MCTP2: variants seen among roughly 807,000 people sequenced by gnomAD.
The protein encoded by MCTP2 is multiple C2 and transmembrane domain containing 2, also known as multiple C2 and transmembrane domain-containing protein 2.
In MCTP2, 132 loss-of-function variants were observed where a neutral mutation model predicts 111.6. The ratio of observed to expected loss-of-function variants is 1.18; its 90% CI spans 1.03 to 1.37. MCTP2 has a LOEUF of 1.37. Ranked by LOEUF, MCTP2 falls within the 40% of genes most tolerant of loss-of-function variation. The pLI is 0.00. For missense variants in MCTP2, 1,183 were observed against 1,067.9 expected, an observed-to-expected ratio of 1.11 and a Z score of -1.50; for synonymous variants, 395 against 387.7, an observed-to-expected ratio of 1.02 and a Z score of -0.22.
intron 2 of MCTP2, among the ~76,000 whole-genome samples, chr15:94,303,311 G>A (rs2075731572): frequency 6.6e-6 from 1 of 151,770 alleles, no homozygotes; most frequent in African/African-American, 2.4e-5. Context: ...TTGAGGGCAG[G>A]AAGCATCCAG....
In MCTP2 at chr15:94,270,629, C is replaced by G. The variant is rs146786031; in HGVS notation, c.-65-27572C>G. 4.0e-4 allele frequency among the ~76,000 whole-genome samples: 61 copies of G among 152,230 alleles called. 1 individual carries two copies. The South Asian group carries it at 0.011, about 27-fold the overall frequency. ...ATCTCCCCAGGTGGGCTGCCTACCCCCTATCCCCCTCTCCTGGCCTTCTGC... is the reference window on the plus strand; with the variant it reads ...ATCTCCCCAGGTGGGCTGCCTACCCGCTATCCCCCTCTCCTGGCCTTCTGC... On this transcript the variant is annotated intron_variant, in intron 1 of 22. Coordinates refer to ENST00000357742, the MANE Select transcript of MCTP2 (RefSeq NM_001385001.1).
intron 19 of MCTP2, among the ~76,000 whole-genome samples, chr15:94,448,234 T>C (rs2084236891): frequency 6.6e-6 from 1 of 152,240 alleles, no homozygotes; most frequent in Non-Finnish European, 1.5e-5. Context: ...CAGTCTGGCC[T>C]TCTGGAACCT....
intron 1 of MCTP2, among the ~76,000 whole-genome samples, chr15:94,280,087 G>A (rs937579610): frequency 3.9e-5 from 6 of 152,072 alleles, no homozygotes; most frequent in Non-Finnish European, 7.4e-5. Flanking sequence ...ATTGATATCA[G>A]AATGATGCTA....
intron 4 of MCTP2, among the ~76,000 whole-genome samples, chr15:94,315,904 G>C (rs931795445): frequency 3.9e-5 from 6 of 152,110 alleles, no homozygotes; most frequent in Non-Finnish European, 8.8e-5. Context: ...ATAGCTTTAC[G>C]CCTGGCCTAT....
intron 2 of MCTP2, among the ~76,000 whole-genome samples, chr15:94,306,963 G>A (rs902481579): frequency 1.3e-5 from 2 of 152,124 alleles, no homozygotes; most frequent in Admixed American, 6.6e-5. Flanking sequence ...CTTCAATGAC[G>A]TCATTTTTAC....
chr15:94,383,801 G>C (rs1343057766), intron 12 of MCTP2, among the ~76,000 whole-genome samples: 1 of 152,164 alleles, frequency 6.6e-6, no homozygotes, highest in Non-Finnish European at 1.5e-5. Flanking sequence ...ACCGTATCAG[G>C]CGGTGTGTTT....
chr15:94,431,413 A>G (rs1275206023), intron 17 of MCTP2, among the ~76,000 whole-genome samples: 3 of 152,206 alleles, frequency 2.0e-5, no homozygotes, highest in Non-Finnish European at 4.4e-5. Context: ...ACCAAGTCTG[A>G]GCCAGTTAAT....
At position 94,294,941 on chromosome 15, in the gene MCTP2, C is replaced by CT. The variant is rs71133001; in HGVS notation, c.-65-3232dup. Among the ~76,000 whole-genome samples the CT allele has an allele frequency of 3.6e-3, 269 of 73,986 alleles. 14 individuals are homozygous for CT. The highest frequency in any genetic ancestry group is 4.7e-3 in the African/African-American group (83 of 17,506). 48.5% of individuals were successfully genotyped at this position (73,986 alleles called of 152,430 possible). Reference sequence around the variant, plus strand: ...TTCTCTTTATTTTTCTTTTCTTTTCCTTTTTTTTTTTTTTTTTTTTTTTTT... The same window carrying CT: ...TTCTCTTTATTTTTCTTTTCTTTTCCTTTTTTTTTTTTTTTTTTTTTTTTTT... On this transcript the variant is annotated intron_variant, in intron 1 of 22. Transcript: ENST00000357742.
intron 17 of MCTP2, among the ~76,000 whole-genome samples, chr15:94,431,674 T>A (rs1167360972): frequency 6.6e-6 from 1 of 152,000 alleles, no homozygotes; most frequent in Non-Finnish European, 1.5e-5. Flanking sequence ...CAAATTATAA[T>A]TTTTTTTAAA....
Position 94,327,056 on chromosome 15 carries a change from T to G in MCTP2, c.637+11419T>G, listed in dbSNP as rs937329570. Among the ~76,000 whole-genome samples, 3 of 152,224 alleles carry G rather than the reference T, an allele frequency of 2.0e-5. No individual in the cohort carries two copies. In the East Asian group the frequency reaches 5.8e-4, roughly 29 times the overall value. ...CCTGGGCATGTTCACATGCATTTTTTAAATTTGTCACTTGCCTTTAGATTG... is the reference window on the plus strand; with the variant it reads ...CCTGGGCATGTTCACATGCATTTTTGAAATTTGTCACTTGCCTTTAGATTG... On this transcript the variant is annotated intron_variant, in intron 4 of 22. Coordinates refer to ENST00000357742, the MANE Select transcript of MCTP2 (RefSeq NM_001385001.1).
intron 11 of MCTP2, among the ~76,000 whole-genome samples, chr15:94,368,655 A>G (rs1294887008): frequency 6.6e-6 from 1 of 152,234 alleles, no homozygotes; most frequent in Non-Finnish European, 1.5e-5. Context: ...TTGTCAATGC[A>G]GAGTGCGCAT....
At chr15:94,373,386 T>C (rs1302595864) in intron 12 of MCTP2, among the ~76,000 whole-genome samples, 1 of 152,232 alleles carries the variant, frequency 6.6e-6, no homozygotes, top group Non-Finnish European at 1.5e-5. Flanking sequence ...AAATAGTGTA[T>C]ACATTTTCAA....
intron 12 of MCTP2, among the ~76,000 whole-genome samples, chr15:94,383,533 G>A (rs1233562009): frequency 6.6e-6 from 1 of 152,192 alleles, no homozygotes; most frequent in Non-Finnish European, 1.5e-5. Flanking sequence ...ACAGTTCCAC[G>A]TGGCTGGGGA....
intron 17 of MCTP2, among the ~76,000 whole-genome samples, chr15:94,438,969 G>A (rs186867631): frequency 6.6e-5 from 10 of 152,254 alleles, no homozygotes; most frequent in Admixed American, 4.6e-4. Context: ...AGAGGAAACA[G>A]AAGAGGATCC....
intron 17 of MCTP2, among the ~76,000 whole-genome samples, chr15:94,429,468 C>CA (rs1208052984): frequency 1.3e-5 from 2 of 152,182 alleles, no homozygotes; most frequent in Non-Finnish European, 2.9e-5. Context: ...ACTAAACTCT[C>CA]ATTTCAAGTC....
chr15:94,304,780 G>T (rs1309091638), intron 2 of MCTP2, among the ~76,000 whole-genome samples: 18 of 152,110 alleles, frequency 1.2e-4, no homozygotes, highest in Non-Finnish European at 5.9e-5. Context: ...CTCACACTTT[G>T]TCTACTAGGG....
chr15:94,476,544 CT>C (rs1350546373), intron 21 of MCTP2, 151 bp from the exon 22 acceptor site: 1 of 519,430 alleles, frequency 1.9e-6, no homozygotes, highest in African/African-American at 2.0e-5. Context: ...TGAATATCCC[CT>C]CTCCCCCGAG....
intron 1 of MCTP2, among the ~76,000 whole-genome samples, chr15:94,253,711 T>C (rs1045227904): frequency 2.0e-5 from 3 of 151,730 alleles, no homozygotes; most frequent in African/African-American, 7.3e-5. Context: ...GATACTGTAA[T>C]AGTCTCTCTC....
At chr15:94,366,794 G>T (rs1181406118) in intron 10 of MCTP2, among the ~76,000 whole-genome samples, 1 of 152,168 alleles carries the variant, frequency 6.6e-6, no homozygotes, top group Non-Finnish European at 1.5e-5. Context: ...AACAGAGCAG[G>T]TGTGGTCCAG....
Sources: allele counts gnomAD v4.1 joint callset (sites outside exome capture counted in the v4.1 genomes callset), GRCh38; gene constraint gnomAD v4.1.1; transcripts MANE v1.5; gene names NCBI Gene and HGNC (gene_info 2026-07-23, HGNC 2026-07-21).